The following MTCL1 variants were observed in gnomAD, a reference collection of about 807,000 sequenced individuals.
MTCL1 encodes microtubule crosslinking factor 1, also known as microtubule cross-linking factor 1.
MTCL1 carries 79 observed loss-of-function variants against 141.4 expected under a neutral mutation model. The ratio of observed to expected loss-of-function variants is 0.56; its 90% confidence interval spans 0.47 to 0.67. The LOEUF is 0.67. Ranked by LOEUF, MTCL1 falls within the 30% of genes least tolerant of loss-of-function variation. The pLI is 0.00. For missense variants in MTCL1, 2,177 were observed against 2,113.9 expected, an observed-to-expected ratio of 1.03 and a Z score of -0.59; for synonymous variants, 914 against 875.8, an observed-to-expected ratio of 1.04 and a Z score of -0.77.
intron 4 of MTCL1, among the ~76,000 whole-genome samples, chr18:8,730,049 G>A (rs1353093248): frequency 6.6e-6 from 1 of 152,132 alleles, no homozygotes; most frequent in Non-Finnish European, 1.5e-5. Flanking sequence ...ACCGTCTGTT[G>A]AAAAGGCCAC....
rs1224501961 is a variant in MTCL1 at position 8,705,747 on chromosome 18, C to A, written c.87C>A (p.Leu29=). The A allele has an allele frequency of 9.1e-6, 11 of 1,204,528 alleles. No individual in the cohort carries two copies. The highest frequency in any genetic ancestry group is 1.1e-5 in the Non-Finnish European group (11 of 969,996). 74.6% of individuals were successfully genotyped at this position (1,204,528 alleles called of 1,614,324 possible). A position where few individuals can be genotyped will look rare whatever the true frequency, so the allele number is the denominator to read the frequency against. Residue 29 remains leucine, a synonymous_variant, in exon 1 of 14, where the codon CTC becomes CTA. Transcript: ENST00000306329. This position sits in a 1 kb window ranked among gnomAD's most constrained non-coding sequence, Gnocchi z 5.2. ...GCCAGCACCACCGCCACCACCACCTCCACCCGGTGGCCGAAAGGCGGCGGC... is the reference window on the plus strand; with the variant it reads ...GCCAGCACCACCGCCACCACCACCTACACCCGGTGGCCGAAAGGCGGCGGC...
intron 4 of MTCL1, among the ~76,000 whole-genome samples, chr18:8,724,650 A>G (rs1467345422): frequency 1.3e-5 from 2 of 152,156 alleles, no homozygotes; most frequent in African/African-American, 4.8e-5. Flanking sequence ...TGCATGACAC[A>G]GCAGCCTATT....
intron 4 of MTCL1, among the ~76,000 whole-genome samples, chr18:8,770,519 C>T (rs497084): frequency 0.36 from 54,339 of 152,026 alleles, 11,247 homozygotes; most frequent in African/African-American, 0.56. Flanking sequence ...CCTCGTCTTA[C>T]AAGGACGCTA....
At chr18:8,808,314 T>A (rs1555669537) in intron 11 of MTCL1, among the ~76,000 whole-genome samples, 1 of 152,056 alleles carries the variant, frequency 6.6e-6, no homozygotes, top group Non-Finnish European at 1.5e-5. Context: ...AATATGTTTA[T>A]AGGGGGAGTT....
In MTCL1 at chr18:8,743,588, T is replaced by C. The variant is rs922890383; in HGVS notation, c.357+23092T>C. On this transcript the variant is annotated intron_variant, in intron 4 of 16. Transcript: ENST00000359865. ...TCTAGGGAAGAATCCATTTTCTTGC[T>C]CATTCCAGCTTCCAGAGGCCATCTA... is the stretch of plus-strand genomic sequence containing the variant. Among the ~76,000 whole-genome samples, 8 of 152,382 alleles carry C rather than the reference T, an allele frequency of 5.2e-5. No individual in the cohort carries two copies. In the South Asian group the frequency reaches 1.2e-3, roughly 24 times the overall value.
At position 8,808,556 on chromosome 18, in the gene MTCL1, T is replaced by G. The variant is rs901294829; in HGVS notation, c.2604+1496T>G. On this transcript the variant is annotated intron_variant, in intron 11 of 16. Coordinates refer to ENST00000359865, the Ensembl canonical transcript of MTCL1. ...GAGTTTATCTTCTGCCCAAATCATT[T>G]AGGAAGTTTCTTAAACATTTGCAAC... Among the ~76,000 whole-genome samples the G allele has an allele frequency of 2.0e-5, 3 of 152,224 alleles. No homozygotes were observed. The East Asian group carries it at 5.8e-4, about 29-fold the overall frequency.
At chr18:8,707,538 C>CG (rs1264859880) in intron 1 of MTCL1, 1 of 152,798 alleles carries the variant, frequency 6.5e-6, no homozygotes, top group Non-Finnish European at 1.5e-5. Context: ...GTGCTGCAGA[C>CG]GGGGTTCCCG....
At chr18:8,798,177 C>T (rs1313380998) in exon 10 of MTCL1, 2 of 1,599,572 alleles carry the variant, frequency 1.3e-6, no homozygotes, top group Non-Finnish European at 1.7e-6. Context: ...CAGACCACGA[C>T]AGTGACCGAG....
At chr18:8,710,005 A>C (rs1163390697) in intron 1 of MTCL1, among the ~76,000 whole-genome samples, 1 of 152,126 alleles carries the variant, frequency 6.6e-6, no homozygotes, top group East Asian at 1.9e-4. Flanking sequence ...ACGCCCAGCT[A>C]GTTTTTGAAT....
intron 10 of MTCL1, among the ~76,000 whole-genome samples, chr18:8,799,729 C>G (rs2076049904): frequency 6.6e-6 from 1 of 152,222 alleles, no homozygotes; most frequent in Non-Finnish European, 1.5e-5. Context: ...AAACGTGTTT[C>G]CCACGCATTC....
In MTCL1 at chr18:8,810,832, G is replaced by A. The variant is rs1265361937; in HGVS notation, c.2605-2147G>A. 6.6e-6 allele frequency among the ~76,000 whole-genome samples: 1 copy of A among 152,148 alleles called. No individual in the cohort carries two copies. The highest frequency in any genetic ancestry group is 2.4e-5 in the African/African-American group (1 of 41,436). On this transcript the variant is annotated intron_variant, in intron 11 of 16. Transcript: ENST00000359865. This position sits in a 1 kb window ranked among gnomAD's most constrained non-coding sequence, Gnocchi z 5.0. The stretch of plus-strand genomic sequence containing the variant: ...GATCAAGAAGCGTCACCACTGACCT[G>A]TGCCCGTGGCTGTCATCTGCTTCCT...
intron 4 of MTCL1, among the ~76,000 whole-genome samples, chr18:8,772,933 TAAGAA>T (rs2096490801): frequency 6.6e-6 from 1 of 152,030 alleles, no homozygotes; most frequent in Non-Finnish European, 1.5e-5. Context: ...ATAAAAATAA[TAAGAA>T]AGAAAGGTAA....
exon 15 of MTCL1, chr18:8,825,098 G>C: frequency 1.9e-6 from 3 of 1,605,806 alleles, no homozygotes; most frequent in Non-Finnish European, 2.6e-6. Flanking sequence ...TACACAGCCC[G>C]CCTGCCGTGC....
In MTCL1 at chr18:8,718,654, T is replaced by G. The variant is rs1164958309; in HGVS notation, c.198+6T>G. ...GCCTGGAGCAGGACTTGAAGGTGAG[T>G]GAGGGGGTGGTGCGTGCACCTCGCA... On this transcript the variant is annotated splice_donor_region_variant and intron_variant, in intron 3 of 16. Transcript: ENST00000359865. 1 of 1,612,136 alleles carries G rather than the reference T, an allele frequency of 6.2e-7. No homozygotes were observed. The highest frequency in any genetic ancestry group is 1.7e-5 in the Admixed American group (1 of 60,014).
intron 7 of MTCL1, among the ~76,000 whole-genome samples, chr18:8,787,927 C>A (rs1173263040): frequency 6.6e-6 from 1 of 152,128 alleles, no homozygotes; most frequent in Non-Finnish European, 1.5e-5. Context: ...CCGCCCTGTC[C>A]CTGGTGTGAA....
At chr18:8,793,164 C>A (rs1398374292) in intron 8 of MTCL1, 44 bp downstream of exon 7, 1 of 1,606,652 alleles carries the variant, frequency 6.2e-7, no homozygotes, top group Non-Finnish European at 8.5e-7. Context: ...TTGTGAACTG[C>A]AGAGCCCCAA....
At chr18:8,789,906 T>C (rs1235524870) in intron 7 of MTCL1, among the ~76,000 whole-genome samples, 1 of 152,160 alleles carries the variant, frequency 6.6e-6, no homozygotes, top group Non-Finnish European at 1.5e-5. Context: ...CCATAGCACG[T>C]TTTGTATGTT....
chr18:8,789,741 G>T (rs892393138), intron 7 of MTCL1: 1 of 982,710 alleles, frequency 1.0e-6, no homozygotes, highest in Non-Finnish European at 1.2e-6. Context: ...ACAAAAAAAG[G>T]GTTTTTTTTA....
chr18:8,775,912 C>T (rs1185378897), intron 4 of MTCL1, among the ~76,000 whole-genome samples: 2 of 152,188 alleles, frequency 1.3e-5, no homozygotes. Flanking sequence ...CCTAGAGGCT[C>T]AGGGGCAGCT....
Sources: allele counts gnomAD v4.1 joint callset (sites outside exome capture counted in the v4.1 genomes callset), GRCh38; gene constraint gnomAD v4.1.1; non-coding constraint Gnocchi (gnomAD v3.1); transcripts MANE v1.5; gene names NCBI Gene and HGNC (gene_info 2026-07-23, HGNC 2026-07-21).